Variants in BCKDHB observed in about 807,000 individuals in gnomAD.
BCKDHB encodes the protein 2-oxoisovalerate dehydrogenase subunit beta, mitochondrial.
Under a neutral mutation model 48.5 loss-of-function variants are expected in BCKDHB, and 41 were observed. That is an observed-to-expected ratio of 0.85 (90% CI 0.66 to 1.10). The LOEUF (loss-of-function observed/expected upper bound fraction) is 1.10. Ranked by LOEUF, BCKDHB falls within the 50% of genes least tolerant of loss-of-function variation. The pLI is 0.00. For missense variants in BCKDHB, 496 were observed against 494.2 expected, an observed-to-expected ratio of 1.00 and a Z score of -0.03; for synonymous variants, 201 against 174.8, an observed-to-expected ratio of 1.15 and a Z score of -1.18.
intron 8 of BCKDHB, among the ~76,000 whole-genome samples, chr6:80,227,416 A>G (rs984281613): frequency 6.6e-6 from 1 of 152,140 alleles, no homozygotes; most frequent in African/African-American, 2.4e-5. Context: ...TTGCATTGGG[A>G]TTATTTCATC....
At chr6:80,228,233 T>A (rs1775762548) in intron 8 of BCKDHB, among the ~76,000 whole-genome samples, 1 of 152,190 alleles carries the variant, frequency 6.6e-6, no homozygotes, top group Admixed American at 6.5e-5. Context: ...TTCATTTAAA[T>A]TTTGTTTTTG....
intron 8 of BCKDHB, among the ~76,000 whole-genome samples, chr6:80,222,401 G>A (rs1744874793): frequency 6.6e-6 from 1 of 152,136 alleles, no homozygotes; most frequent in Admixed American, 6.5e-5. Context: ...GTGAAACAAC[G>A]ATTACTAGAA....
chr6:80,409,053 A>T, the BCKDHB span, among the ~76,000 whole-genome samples: 1 of 152,168 alleles, frequency 6.6e-6, no homozygotes, highest in African/African-American at 2.4e-5. Flanking sequence ...AATGTGTCCC[A>T]GAGGTCCTGG....
chr6:80,387,819 A>G, the BCKDHB span, among the ~76,000 whole-genome samples: 1 of 152,252 alleles, frequency 6.6e-6, no homozygotes, highest in African/African-American at 2.4e-5. Context: ...TCACTTCTGC[A>G]AGATATCACA....
chr6:80,317,637 A>G (rs921859156), intron 9 of BCKDHB, among the ~76,000 whole-genome samples: 4 of 152,220 alleles, frequency 2.6e-5, no homozygotes, highest in African/African-American at 9.7e-5. Flanking sequence ...TTACACCTGC[A>G]AAGTCCCTTT....
chr6:80,115,872 A>G (rs1020537142), intron 1 of BCKDHB, among the ~76,000 whole-genome samples: 1 of 151,254 alleles, frequency 6.6e-6, no homozygotes, highest in Admixed American at 6.6e-5. Context: ...TCCTGACCTC[A>G]TGATCCACCC....
At chr6:80,126,806 C>T (rs1770364391) in intron 1 of BCKDHB, among the ~76,000 whole-genome samples, 1 of 152,070 alleles carries the variant, frequency 6.6e-6, no homozygotes, top group Non-Finnish European at 1.5e-5. Flanking sequence ...ATGAAGCTTT[C>T]CTATACCATT....
intron 8 of BCKDHB, among the ~76,000 whole-genome samples, chr6:80,234,369 A>G (rs188512093): frequency 2.0e-5 from 3 of 152,332 alleles, no homozygotes; most frequent in Admixed American, 6.5e-5. Context: ...TTTCTTGGCT[A>G]TTATCACAGA....
the BCKDHB span, among the ~76,000 whole-genome samples, chr6:80,455,567 A>T: frequency 2.0e-5 from 3 of 150,348 alleles, no homozygotes; most frequent in African/African-American, 7.4e-5. Flanking sequence ...AGCATACTAG[A>T]TATTTCTTTT....
At chr6:80,127,260 A>G (rs898703416) in intron 1 of BCKDHB, 35 of 367,216 alleles carry the variant, frequency 9.5e-5, no homozygotes, top group Non-Finnish European at 6.7e-5. Flanking sequence ...CTGACTTTCC[A>G]TAGGTCTTAT....
At chr6:80,287,138 T>G (rs1215413462) in intron 9 of BCKDHB, among the ~76,000 whole-genome samples, 1 of 152,168 alleles carries the variant, frequency 6.6e-6, no homozygotes, top group East Asian at 1.9e-4. Flanking sequence ...TCCTAAATTC[T>G]TATTTACTTG....
chr6:80,194,950 C>T lies in BCKDHB; in HGVS notation c.743-5984C>T, dbSNP rs746456674. Among the ~76,000 whole-genome samples the T allele has an allele frequency of 1.1e-4, 16 of 152,152 alleles. 1 individual carries two copies. Among genetic ancestry groups the T allele is most frequent in the Admixed American group, 2.0e-4 (3 of 15,276 alleles). On this transcript the variant is annotated intron_variant, in intron 6 of 9. Coordinates refer to ENST00000320393, the MANE Select transcript of BCKDHB (RefSeq NM_183050.4). The stretch of plus-strand genomic sequence containing the variant: ...AGTCTATATTGTGTTGTGGGAGCCT[C>T]ACCCACTGTTGCTCCCAGGAGTCCT...
chr6:80,230,842 A>G (rs1775896482), intron 8 of BCKDHB, among the ~76,000 whole-genome samples: 1 of 152,206 alleles, frequency 6.6e-6, no homozygotes, highest in Admixed American at 6.5e-5. Flanking sequence ...GTCATTCTGT[A>G]GTGACATGAG....
chr6:80,401,825 A>G, the BCKDHB span, among the ~76,000 whole-genome samples: 15 of 151,948 alleles, frequency 9.9e-5, no homozygotes, highest in African/African-American at 2.9e-4. Flanking sequence ...ATTATATTAT[A>G]CAGTAATTGT....
intron 9 of BCKDHB, among the ~76,000 whole-genome samples, chr6:80,312,770 C>T (rs559948614): frequency 9.2e-5 from 14 of 152,232 alleles, no homozygotes; most frequent in African/African-American, 2.4e-4. Context: ...TTGCATCCCA[C>T]GGGTGAAGCC....
chr6:80,389,331 A>C, the BCKDHB span, among the ~76,000 whole-genome samples: 2 of 152,210 alleles, frequency 1.3e-5, no homozygotes, highest in African/African-American at 4.8e-5. Context: ...GCCACTGCTG[A>C]GTGCCCAATT....
chr6:80,191,238 A>G (rs951527522), intron 6 of BCKDHB, among the ~76,000 whole-genome samples: 12 of 152,154 alleles, frequency 7.9e-5, no homozygotes, highest in Non-Finnish European at 1.0e-4. Context: ...GCAATAAGGA[A>G]TTTTGCAGTC....
intron 9 of BCKDHB, among the ~76,000 whole-genome samples, chr6:80,273,943 A>G (rs925815336): frequency 2.6e-5 from 4 of 152,206 alleles, no homozygotes; most frequent in African/African-American, 7.2e-5. Context: ...TTAAGTAGCC[A>G]TATTTTAAAT....
intron 6 of BCKDHB, among the ~76,000 whole-genome samples, chr6:80,175,732 T>C (rs946713222): frequency 6.6e-6 from 1 of 152,188 alleles, no homozygotes; most frequent in African/African-American, 2.4e-5. Flanking sequence ...CAGATCTCTT[T>C]ATATTGTGGT....
Sources: allele counts gnomAD v4.1 joint callset (sites outside exome capture counted in the v4.1 genomes callset), GRCh38; gene constraint gnomAD v4.1.1; transcripts MANE v1.5; gene names NCBI Gene and HGNC (gene_info 2026-07-23, HGNC 2026-07-21).